YIF1B: variants seen among roughly 807,000 people sequenced by gnomAD.
YIF1B encodes the protein protein YIF1B.
In YIF1B, 24 loss-of-function variants were observed where a neutral mutation model predicts 34.6. That is an observed-to-expected ratio of 0.69 (90% CI 0.50 to 0.98). The LOEUF (loss-of-function observed/expected upper bound fraction) is 0.98, where lower values mean the gene tolerates loss of function less well. Ranked by LOEUF, YIF1B falls within the 50% of genes least tolerant of loss-of-function variation. The pLI, the probability that YIF1B is intolerant of heterozygous loss-of-function variation, is 0.00. For synonymous variants in YIF1B, 186 were observed against 184.8 expected, an observed-to-expected ratio of 1.01 and a Z score of -0.05; for missense variants, 368 against 429.4, an observed-to-expected ratio of 0.86 and a Z score of 1.26.
intron 4 of YIF1B, 31 bp downstream of exon 4, chr19:38,308,948 A>G (rs1969185572): frequency 3.1e-6 from 5 of 1,612,130 alleles, no homozygotes; most frequent in Non-Finnish European, 4.2e-6. Flanking sequence ...CGGAAGAGAG[A>G]GGAGGGTGCA....
intron 1 of YIF1B, chr19:38,309,955 A>ACCAT (rs1969245973): frequency 1.2e-5 from 7 of 606,436 alleles, no homozygotes; most frequent in Middle Eastern, 5.1e-4. Flanking sequence ...TATCCATCTA[A>ACCAT]CCATCCATCC....
chr19:38,309,404 C>T lies in YIF1B; in HGVS notation c.297+1G>A, dbSNP rs772652792. On this transcript the variant is annotated splice_donor_variant, in intron 2 of 7. Coordinates refer to ENST00000339413, the MANE Select transcript of YIF1B (RefSeq NM_001039672.3). LOFTEE classifies it high-confidence loss of function. ...CACTCCCACCAGCCCCGCCCACTCA[C>T]GTTCTTATCCACCAGCTCCTTGCCC... 3 of 1,612,490 alleles carry T rather than the reference C, an allele frequency of 1.9e-6. No individual in the cohort carries two copies. The highest frequency in any genetic ancestry group is 2.2e-5 in the East Asian group (1 of 44,852).
upstream of YIF1B, chr19:38,320,193 G>A: frequency 2.5e-6 from 4 of 1,601,448 alleles, no homozygotes; most frequent in Non-Finnish European, 3.4e-6. Context: ...CTAACGCTTC[G>A]GGGTCCGCCA....
In YIF1B at chr19:38,304,508, C is replaced by T. The variant is rs999423815; in HGVS notation, c.*844G>A. 1.3e-6 allele frequency: 2 copies of T among 1,561,942 alleles called. No individual in the cohort carries two copies. Among genetic ancestry groups the T allele is most frequent in the South Asian group, 1.2e-5 (1 of 85,870 alleles). On this transcript the variant is annotated 3_prime_UTR_variant, in exon 8 of 8. Coordinates refer to ENST00000339413, the MANE Select transcript of YIF1B (RefSeq NM_001039672.3). Reference sequence around the variant, plus strand: ...GTCCAAAGGTAAGTCGCCTCATCACCGGCTGCGGAGGGGCGGGAAGGCTGG... The same window carrying T: ...GTCCAAAGGTAAGTCGCCTCATCACTGGCTGCGGAGGGGCGGGAAGGCTGG...
At chr19:38,311,510 T>C (rs149640380) in intron 1 of YIF1B, among the ~76,000 whole-genome samples, 2 of 152,136 alleles carry the variant, frequency 1.3e-5, no homozygotes, top group East Asian at 3.9e-4. Flanking sequence ...CTGCCAATGC[T>C]ATCATCATCC....
In YIF1B at chr19:38,315,926, G is replaced by A. The variant is rs1385666628; in HGVS notation, c.-9C>T. 3.4e-6 allele frequency: 5 copies of A among 1,450,960 alleles called. No individual in the cohort carries two copies. The highest frequency in any genetic ancestry group is 3.0e-5 in the African/African-American group (2 of 67,382). The allele number at this position is 1,450,960 out of a possible 1,614,324, so 89.9% of individuals were successfully genotyped here. A position where few individuals can be genotyped will look rare whatever the true frequency, so the allele number is the denominator to read the frequency against. ...AAGCCTGCCGGGTGCATCCTTCGCC[G>A]CCGCCACCTAAGCCGCGGTTCGGAG... is the stretch of plus-strand genomic sequence containing the variant. On this transcript the variant is annotated 5_prime_UTR_variant, in exon 1 of 8. Transcript: ENST00000339413.
At chr19:38,305,532 C>A (rs1968976831) in intron 7 of YIF1B, 25 bp from the exon 8 acceptor site, 1 of 1,587,040 alleles carries the variant, frequency 6.3e-7, no homozygotes, top group East Asian at 2.3e-5. Context: ...GAGAGAGGAA[C>A]CAAGGGATTT....
At chr19:38,313,246 C>T (rs1182165924) in intron 1 of YIF1B, among the ~76,000 whole-genome samples, 1 of 149,844 alleles carries the variant, frequency 6.7e-6, no homozygotes, top group Non-Finnish European at 1.5e-5. Flanking sequence ...GCCACCAGTG[C>T]CTGACCCAGA....
At chr19:38,307,566 T>C (rs771499682) in intron 6 of YIF1B, 31 bp downstream of exon 6, 1 of 1,613,618 alleles carries the variant, frequency 6.2e-7, no homozygotes, top group Non-Finnish European at 8.5e-7. Flanking sequence ...GCCCAAGGGC[T>C]GGGGCTGGCG....
Position 38,305,193 on chromosome 19 carries a change from A to G in YIF1B, c.*159T>C. Reference sequence around the variant, plus strand: ...TGGCCTGTGCAGCTGGAGATCTCTCAGCACCTTGGGTTGGGGGCGGGGCTG... The same window carrying G: ...TGGCCTGTGCAGCTGGAGATCTCTCGGCACCTTGGGTTGGGGGCGGGGCTG... On this transcript the variant is annotated 3_prime_UTR_variant, in exon 8 of 8. Transcript: ENST00000339413. 1.5e-6 allele frequency: 2 copies of G among 1,372,390 alleles called. No homozygotes were observed. Among genetic ancestry groups the G allele is most frequent in the South Asian group, 1.5e-5 (1 of 67,372 alleles). The allele number at this position is 1,372,390 out of a possible 1,614,324, so 85.0% of individuals were successfully genotyped here. A position where few individuals can be genotyped will look rare whatever the true frequency, so the allele number is the denominator to read the frequency against.
chr19:38,313,675 C>T (rs1402362715), intron 1 of YIF1B, among the ~76,000 whole-genome samples: 3 of 152,254 alleles, frequency 2.0e-5, no homozygotes, highest in Non-Finnish European at 2.9e-5. Context: ...CCACTCCTGC[C>T]AACCACCATG....
chr19:38,309,350 CTG>C, intron 2 of YIF1B, 22 bp from the exon 3 acceptor site: 1 of 1,613,606 alleles, frequency 6.2e-7, no homozygotes, highest in Non-Finnish European at 8.5e-7. Context: ...GAGCTCAAGT[CTG>C]AAGCCCTGTG....
chr19:38,319,853 T>A (rs1355118949), upstream of YIF1B: 1 of 1,195,638 alleles, frequency 8.4e-7, no homozygotes, highest in Non-Finnish European at 1.1e-6. Flanking sequence ...CTGCCGCGCC[T>A]GTAGCACTCC....
Position 38,305,185 on chromosome 19 carries a change from G to A in YIF1B, c.*167C>T. On this transcript the variant is annotated 3_prime_UTR_variant, in exon 8 of 8. Coordinates refer to ENST00000339413, the MANE Select transcript of YIF1B (RefSeq NM_001039672.3). Reference sequence around the variant, plus strand: ...TGGGGCGGTGGCCTGTGCAGCTGGAGATCTCTCAGCACCTTGGGTTGGGGG... The same window carrying A: ...TGGGGCGGTGGCCTGTGCAGCTGGAAATCTCTCAGCACCTTGGGTTGGGGG... 3.0e-6 allele frequency: 4 copies of A among 1,353,832 alleles called. No homozygotes were observed. Among genetic ancestry groups the A allele is most frequent in the Non-Finnish European group, 3.9e-6 (4 of 1,016,580 alleles). 83.9% of individuals were successfully genotyped at this position (1,353,832 alleles called of 1,614,324 possible). A position where few individuals can be genotyped will look rare whatever the true frequency, so the allele number is the denominator to read the frequency against.
Position 38,305,401 on chromosome 19 carries a change from G to A in YIF1B, c.896C>T (p.Ala299Val), listed in dbSNP as rs1180218776. 6.2e-7 allele frequency: 1 copy of A among 1,609,128 alleles called. No individual in the cohort carries two copies. The highest frequency in any genetic ancestry group is 1.3e-5 in the African/African-American group (1 of 74,982). The change falls in exon 8 of 8, where the codon GCG becomes GTG. Residue 299 changes from alanine (A) to valine (V), a missense_variant. Physicochemically the swap from Ala to Val is moderately conservative, Grantham distance 64. Transcript: ENST00000339413. The stretch of plus-strand genomic sequence containing the variant: ...CCAGTACATGAGCATAGGCTGCGCC[G>A]CCGCCACCGCCATGGTCAGGTACAT... The part of the protein sequence containing the change: ...LRMYLTMAVA[A>V]AQPMLMYWLT...
intron 7 of YIF1B, among the ~76,000 whole-genome samples, chr19:38,305,843 C>A (rs922291187): frequency 1.3e-5 from 2 of 152,206 alleles, no homozygotes; most frequent in African/African-American, 4.8e-5. Flanking sequence ...ATGCTGCCCC[C>A]CCTTATGCTG....
At chr19:38,318,014 G>T (rs1470514186), upstream of YIF1B, among the ~76,000 whole-genome samples, 1 of 149,594 alleles carries the variant, frequency 6.7e-6, no homozygotes, top group East Asian at 2.0e-4. Flanking sequence ...CCAACATGGC[G>T]AAACCCTGTC....
At position 38,308,822 on chromosome 19, in the gene YIF1B, A is replaced by G; in HGVS notation, c.509T>C (p.Val170Ala). 1 of 1,613,928 alleles carries G rather than the reference A, an allele frequency of 6.2e-7. No homozygotes were observed. The highest frequency in any genetic ancestry group is 8.5e-7 in the Non-Finnish European group (1 of 1,179,928). The change falls in exon 5 of 8, where the codon GTG becomes GCG. Residue 170 changes from valine (V) to alanine (A), a missense_variant. Val to Ala is a moderately conservative substitution (Grantham distance 64). This residue lies in a region of YIF1B where 208 missense variants were observed against 247.8 expected (regional missense o/e 0.84). Coordinates refer to ENST00000339413, the MANE Select transcript of YIF1B (RefSeq NM_001039672.3). ...PAMAFITYVL[V>A]AGLALGTQDR... ...CTGGGTCCCCAGCGCAAGACCAGCC[A>G]CCAAAACGTAGGTGATGAAAGCCAT...
Position 38,304,329 on chromosome 19 carries a change from CA to C in YIF1B, c.*1022del, listed in dbSNP as rs1391646077. The C allele has an allele frequency of 1.1e-5, 17 of 1,612,530 alleles. No individual in the cohort carries two copies. The highest frequency in any genetic ancestry group is 1.4e-5 in the Non-Finnish European group (17 of 1,179,758). On this transcript the variant is annotated 3_prime_UTR_variant, in exon 8 of 8. Coordinates refer to ENST00000339413, the MANE Select transcript of YIF1B (RefSeq NM_001039672.3). ...GACTGGAGGTGCAGGGGGCCGGACT[CA>C]AGCCCAGAAGCTGCCTGCACCAACC...
Sources: allele counts gnomAD v4.1 joint callset (sites outside exome capture counted in the v4.1 genomes callset), GRCh38; gene constraint gnomAD v4.1.1; regional missense constraint gnomAD v4.1.1; transcripts MANE v1.5; gene names NCBI Gene and HGNC (gene_info 2026-07-23, HGNC 2026-07-21).